The following GPBP1 variants were observed in gnomAD, a reference collection of about 807,000 sequenced individuals.
GPBP1 encodes GC-rich promoter binding protein 1, also known as vasculin.
Under a neutral mutation model 56.5 loss-of-function variants are expected in GPBP1, and 13 were observed. The ratio of observed to expected loss-of-function variants is 0.23; its 90% CI spans 0.15 to 0.37. The LOEUF is 0.37. Among genes scored for constraint, GPBP1 ranks in the 10% least tolerant of loss-of-function variants. GPBP1 has a pLI of 1.00. For missense variants in GPBP1, 477 were observed against 572.3 expected, an observed-to-expected ratio of 0.83 and a Z score of 1.70; for synonymous variants, 204 against 188.9, an observed-to-expected ratio of 1.08 and a Z score of -0.66.
chr5:57,192,753 C>CA (rs70999061), intron 2 of GPBP1, among the ~76,000 whole-genome samples: 18,145 of 103,118 alleles, frequency 0.18, 1,908 homozygotes, highest in East Asian at 0.36. Flanking sequence ...AACTCCGTCT[C>CA]AAAAAAAAAA....
chr5:57,196,451 ACCTT>A (rs1754752466), intron 2 of GPBP1, among the ~76,000 whole-genome samples: 1 of 152,188 alleles, frequency 6.6e-6, no homozygotes, highest in Non-Finnish European at 1.5e-5. Flanking sequence ...GATAAGCATT[ACCTT>A]AGTGCACCTT....
At chr5:57,238,103 G>A (rs982163024) in intron 6 of GPBP1, among the ~76,000 whole-genome samples, 1 of 152,074 alleles carries the variant, frequency 6.6e-6, no homozygotes, top group African/African-American at 2.4e-5. Flanking sequence ...AAAATTAATG[G>A]TTATTAAATA....
chr5:57,250,143 T>C (rs937985885), intron 9 of GPBP1, among the ~76,000 whole-genome samples: 1 of 149,180 alleles, frequency 6.7e-6, no homozygotes, highest in Middle Eastern at 3.4e-3. Flanking sequence ...ACCTGGCTAA[T>C]TTTTGTGTTT....
At position 57,235,791 on chromosome 5, in the gene GPBP1, G is replaced by A. The variant is rs544532793; in HGVS notation, c.412-175G>A. Among the ~76,000 whole-genome samples, 79 of 152,280 alleles carry A rather than the reference G, an allele frequency of 5.2e-4. 1 individual carries two copies. Among genetic ancestry groups the A allele is most frequent in the African/African-American group, 1.9e-3 (79 of 41,568 alleles). On this transcript the variant is annotated intron_variant, in intron 5 of 11. Coordinates refer to ENST00000506184, the MANE Select transcript of GPBP1 (RefSeq NM_022913.4). ...AAGTGCTTCAATGAGTAGGCAGAGC[G>A]TGACACTGGCACTCAAAAAGTTTCA... is the stretch of plus-strand genomic sequence containing the variant.
At chr5:57,185,529 G>A (rs188033094) in intron 2 of GPBP1, among the ~76,000 whole-genome samples, 1 of 152,136 alleles carries the variant, frequency 6.6e-6, no homozygotes, top group Non-Finnish European at 1.5e-5. Context: ...TCAGCCTCCT[G>A]CAGTGCTGGG....
At chr5:57,182,315 C>CT (rs1754085252) in intron 2 of GPBP1, among the ~76,000 whole-genome samples, 1 of 151,756 alleles carries the variant, frequency 6.6e-6, no homozygotes, top group Non-Finnish European at 1.5e-5. Flanking sequence ...AACTCCTGAC[C>CT]TGAAGTGATC....
At chr5:57,226,380 A>C (rs1756189159) in intron 3 of GPBP1, among the ~76,000 whole-genome samples, 1 of 152,072 alleles carries the variant, frequency 6.6e-6, no homozygotes, top group South Asian at 2.1e-4. Flanking sequence ...GACTTAATTA[A>C]ATGCTGTATA....
intron 6 of GPBP1, among the ~76,000 whole-genome samples, chr5:57,237,748 A>C (rs1740604370): frequency 6.6e-6 from 1 of 152,126 alleles, no homozygotes; most frequent in Non-Finnish European, 1.5e-5. Flanking sequence ...TATGTTCCTG[A>C]GGAAGACGAG....
At position 57,247,196 on chromosome 5, in the gene GPBP1, C is replaced by G; in HGVS notation, c.785C>G (p.Ser262Cys). Residue 262 changes from serine to cysteine, a missense_variant, in exon 8 of 12, where the codon TCT becomes TGT. Physicochemically the swap from Ser to Cys is moderately radical, Grantham distance 112. Coordinates refer to ENST00000506184, the MANE Select transcript of GPBP1 (RefSeq NM_022913.4). ...FKSTAKNFSP[S>C]TNSVKECNRS... ...TCAACTGCCAAGAACTTTAGTCCAT[C>G]TACAAATTCAGTGAAAGAGGTATGA... is the stretch of plus-strand genomic sequence containing the variant. 2 of 1,612,560 alleles carry G rather than the reference C, an allele frequency of 1.2e-6. No individual in the cohort carries two copies. The highest frequency in any genetic ancestry group is 1.7e-6 in the Non-Finnish European group (2 of 1,179,414).
At chr5:57,261,910 TCTCA>T (rs2034839570) in intron 11 of GPBP1, among the ~76,000 whole-genome samples, 1 of 152,118 alleles carries the variant, frequency 6.6e-6, no homozygotes, top group African/African-American at 2.4e-5. Context: ...AGAGTTGGGG[TCTCA>T]CTCTGTCATC....
Position 57,231,440 on chromosome 5 carries a change from A to G in GPBP1, c.411+119A>G. The G allele has an allele frequency of 3.8e-6, 3 of 780,404 alleles. No homozygotes were observed. In the South Asian group the frequency reaches 5.7e-5, roughly 15 times the overall value. 48.3% of individuals were successfully genotyped at this position (780,404 alleles called of 1,614,324 possible). ...AGGCATCCACCACCAGGCCCGCCTA[A>G]TTTTTATATTTTTGTAGAGACAGGG... On this transcript the variant is annotated intron_variant, in intron 5 of 11. Transcript: ENST00000506184.
chr5:57,182,413 C>CA (rs1198484486), intron 2 of GPBP1, among the ~76,000 whole-genome samples: 2 of 151,820 alleles, frequency 1.3e-5, no homozygotes, highest in African/African-American at 4.8e-5. Context: ...CACTCTGTCG[C>CA]CCAGGCTGGG....
rs1741255403 is a variant in GPBP1, at chr5:57,249,436, G to A, written c.832G>A (p.Val278Ile). 7 of 1,605,512 alleles carry A rather than the reference G, an allele frequency of 4.4e-6. No homozygotes were observed. The highest frequency in any genetic ancestry group is 5.9e-6 in the Non-Finnish European group (7 of 1,177,102). ...ECNRSNSSSP[V>I]DKLNQQPRLT... is the part of the protein sequence containing the mutation. ...TAATCGCTCAAATTCCTCTTCTCCTGTTGACAAACTTAATCAGCAGCCTCG... is the reference window on the plus strand; with the variant it reads ...TAATCGCTCAAATTCCTCTTCTCCTATTGACAAACTTAATCAGCAGCCTCG... Residue 278 changes from valine to isoleucine, a missense_variant, in exon 9 of 12, where the codon GTT becomes ATT. Coordinates refer to ENST00000506184, the MANE Select transcript of GPBP1 (RefSeq NM_022913.4).
intron 5 of GPBP1, among the ~76,000 whole-genome samples, chr5:57,235,007 A>G (rs947001233): frequency 6.6e-6 from 1 of 152,120 alleles, no homozygotes. Flanking sequence ...ATGAAAAAAA[A>G]AATTAAAATT....
chr5:57,254,844 A>G (rs1212767067), intron 10 of GPBP1, among the ~76,000 whole-genome samples: 1 of 152,220 alleles, frequency 6.6e-6, no homozygotes, highest in Non-Finnish European at 1.5e-5. Flanking sequence ...TGTTTAGACA[A>G]AGTATAATTT....
Position 57,231,262 on chromosome 5 carries a change from A to G in GPBP1, c.352A>G (p.Asn118Asp), listed in dbSNP as rs778045322. 6.2e-7 allele frequency: 1 copy of G among 1,614,168 alleles called. No individual in the cohort carries two copies. The highest frequency in any genetic ancestry group is 8.5e-7 in the Non-Finnish European group (1 of 1,180,000). Residue 118 changes from asparagine to aspartate, a missense_variant, in exon 5 of 12, where the codon AAT (asparagine) becomes GAT (aspartate). Coordinates refer to ENST00000506184, the MANE Select transcript of GPBP1 (RefSeq NM_022913.4). ...QGLHENNIPDNETGRKEDKRE... is the reference protein window; with the variant it reads ...QGLHENNIPDDETGRKEDKRE... ...ACTACATGAAAACAACATACCTGAC[A>G]ATGAAACCGGGAGGAAAGAAGACAA...
rs1384430472 is a variant in GPBP1, at chr5:57,264,386, T to TGTACTATTTGCTTATA, written c.*1648_*1649insTAGTACTATTTGCTTA. The TGTACTATTTGCTTATA allele has an allele frequency of 2.6e-5, 4 of 152,144 alleles. No individual in the cohort carries two copies. Among genetic ancestry groups the TGTACTATTTGCTTATA allele is most frequent in the African/African-American group, 4.8e-5 (2 of 41,452 alleles). 9.4% of individuals were successfully genotyped at this position (152,144 alleles called of 1,614,324 possible). A position where few individuals can be genotyped will look rare whatever the true frequency, so the allele number is the denominator to read the frequency against. On this transcript the variant is annotated 3_prime_UTR_variant, in exon 12 of 12. Coordinates refer to ENST00000506184, the MANE Select transcript of GPBP1 (RefSeq NM_022913.4). ...TTGAATGTCTTTGAGACTCTTAGATTGTACTATTTGCTTAATAGATTAATG... is the reference window on the plus strand; with the variant it reads ...TTGAATGTCTTTGAGACTCTTAGATTGTACTATTTGCTTATAGTACTATTTGCTTAATAGATTAATG...
At chr5:57,256,606 T>G (rs772122958) in intron 10 of GPBP1, among the ~76,000 whole-genome samples, 2 of 152,046 alleles carry the variant, frequency 1.3e-5, no homozygotes, top group African/African-American at 2.4e-5. Flanking sequence ...ATAAGAACAT[T>G]TTGTTATTTG....
chr5:57,216,327 G>T (rs1396883176), intron 3 of GPBP1, among the ~76,000 whole-genome samples: 1 of 152,210 alleles, frequency 6.6e-6, no homozygotes, highest in Non-Finnish European at 1.5e-5. Context: ...CAGCTGCCCA[G>T]ATTGGATGTG....
Sources: gnomAD v4.1 joint callset for allele counts (sites outside exome capture counted in the v4.1 genomes callset) on GRCh38, gnomAD v4.1.1 for gene constraint, MANE v1.5 for transcripts, NCBI Gene and HGNC (gene_info 2026-07-23, HGNC 2026-07-21) for gene names.